The following MSH3 variants were observed in gnomAD, a reference collection of about 807,000 sequenced individuals.
The protein encoded by MSH3 is mutS homolog 3.
In MSH3, 106 loss-of-function variants were observed where a neutral mutation model predicts 123.3. The observed-to-expected ratio is 0.86, with a 90% CI of 0.73 to 1.01. The LOEUF (loss-of-function observed/expected upper bound fraction) is 1.01. MSH3 is among the 50% of genes least tolerant of loss of function. The probability of loss-of-function intolerance (pLI) is 0.00; values close to 1 mark genes in which losing one functional copy is unlikely to be tolerated. For synonymous variants in MSH3, 515 were observed against 481.4 expected, an observed-to-expected ratio of 1.07 and a Z score of -0.91; for missense variants, 1,459 against 1,347.6, an observed-to-expected ratio of 1.08 and a Z score of -1.29.
intron 9 of MSH3, among the ~76,000 whole-genome samples, chr5:80,728,054 TG>T (rs1424984587): frequency 6.6e-6 from 1 of 152,062 alleles, no homozygotes; most frequent in Non-Finnish European, 1.5e-5. Flanking sequence ...GAGTAACTGA[TG>T]GGGAGAACAT....
intron 19 of MSH3, among the ~76,000 whole-genome samples, chr5:80,796,004 T>C (rs1007853245): frequency 6.6e-6 from 1 of 151,556 alleles, no homozygotes; most frequent in Admixed American, 6.6e-5. Flanking sequence ...AAGAAGACTA[T>C]GTCAACATAA....
rs759094395 is a variant in MSH3, at chr5:80,787,571, C to G, written c.2442C>G (p.Phe814Leu). 8.1e-6 allele frequency: 13 copies of G among 1,611,864 alleles called. No homozygotes were observed. The highest frequency in any genetic ancestry group is 1.1e-5 in the Non-Finnish European group (13 of 1,178,190). The change falls in exon 18 of 24, where the codon TTC becomes TTG. Residue 814 changes from phenylalanine to leucine, a missense_variant. By Grantham distance (22) the Phe-to-Leu change is conservative. Coordinates refer to ENST00000265081, the MANE Select transcript of MSH3 (RefSeq NM_002439.5). The part of the protein sequence containing the change: ...SAEWLDFLEK[F>L]SEHYHSLCKA... Reference sequence around the variant, plus strand: ...GTTGCTGCTGCTTCCGTAGGAAATTCAGTGAACATTATCACTCCTTGTGTA... The same window carrying G: ...GTTGCTGCTGCTTCCGTAGGAAATTGAGTGAACATTATCACTCCTTGTGTA...
intron 8 of MSH3, among the ~76,000 whole-genome samples, chr5:80,679,819 A>G (rs890432066): frequency 2.0e-5 from 3 of 152,084 alleles, no homozygotes; most frequent in Non-Finnish European, 4.4e-5. Context: ...TGTTGGAAAG[A>G]CTCCGTACTG....
chr5:80,676,392 C>A (rs577682386), intron 7 of MSH3, among the ~76,000 whole-genome samples: 6 of 152,264 alleles, frequency 3.9e-5, no homozygotes, highest in East Asian at 1.9e-4. Context: ...TACAGACTTA[C>A]GTGGACTCTG....
intron 8 of MSH3, among the ~76,000 whole-genome samples, chr5:80,696,220 T>C (rs1002118853): frequency 1.3e-5 from 2 of 152,138 alleles, no homozygotes; most frequent in Admixed American, 6.5e-5. Flanking sequence ...CCTGATACCA[T>C]GGGGGTTAAA....
In MSH3 at chr5:80,661,702, T is replaced by C. The variant is rs184567245; in HGVS notation, c.359-3441T>C. On this transcript the variant is annotated intron_variant, in intron 2 of 23. Transcript: ENST00000265081. ...GGGGCTGCATCCCTTGACAGATTTT[T>C]CCTATTTTTTGCATGTCTAGTAACT... 3.0e-4 allele frequency among the ~76,000 whole-genome samples: 45 copies of C among 152,378 alleles called. 1 individual carries two copies. The East Asian group carries it at 7.3e-3, about 25-fold the overall frequency.
At chr5:80,842,010 G>A (rs570258147) in intron 20 of MSH3, among the ~76,000 whole-genome samples, 1 of 152,240 alleles carries the variant, frequency 6.6e-6, no homozygotes, top group East Asian at 1.9e-4. Context: ...TATTGCCTAG[G>A]TTTTCTTCTA....
intron 15 of MSH3, among the ~76,000 whole-genome samples, chr5:80,775,475 A>G (rs1744281536): frequency 6.6e-6 from 1 of 152,198 alleles, no homozygotes; most frequent in Non-Finnish European, 1.5e-5. Flanking sequence ...CAAGTATTAC[A>G]AATGTTTTAT....
At chr5:80,708,216 C>T (rs1269709658) in intron 8 of MSH3, among the ~76,000 whole-genome samples, 2 of 152,122 alleles carry the variant, frequency 1.3e-5, no homozygotes, top group African/African-American at 2.4e-5. Context: ...TCTTTGCCTA[C>T]TCCAACATCA....
intron 10 of MSH3, among the ~76,000 whole-genome samples, chr5:80,733,048 C>G (rs1465829764): frequency 6.6e-6 from 1 of 152,112 alleles, no homozygotes; most frequent in East Asian, 1.9e-4. Context: ...GGATTCATAT[C>G]TCTGTTTCAA....
intron 19 of MSH3, among the ~76,000 whole-genome samples, chr5:80,802,217 T>G (rs1744801182): frequency 6.6e-6 from 1 of 151,530 alleles, no homozygotes; most frequent in African/African-American, 2.4e-5. Flanking sequence ...ATAAAAATTT[T>G]TATATCCTGC....
chr5:80,730,894 A>T (rs187287905), intron 10 of MSH3, among the ~76,000 whole-genome samples: 12,414 of 127,538 alleles, frequency 0.097, 680 homozygotes, highest in African/African-American at 0.11. Flanking sequence ...ATATATATAT[A>T]TTTTTTTTTT....
At chr5:80,744,378 T>C in intron 11 of MSH3, 128 bp from the exon 12 acceptor site, 1 of 682,778 alleles carries the variant, frequency 1.5e-6, no homozygotes, top group South Asian at 1.7e-5. Context: ...TGTCAAACAT[T>C]AAATGAACAC....
intron 8 of MSH3, among the ~76,000 whole-genome samples, chr5:80,710,833 A>G (rs1361210308): frequency 6.6e-6 from 1 of 152,188 alleles, no homozygotes; most frequent in Non-Finnish European, 1.5e-5. Context: ...CGATGATGAC[A>G]ACAGGCAGAA....
intron 13 of MSH3, among the ~76,000 whole-genome samples, chr5:80,763,517 G>A (rs1744077116): frequency 1.3e-5 from 2 of 152,282 alleles, no homozygotes; most frequent in South Asian, 4.1e-4. Flanking sequence ...ACCATTTGTT[G>A]TTTTTATCCT....
At chr5:80,803,662 T>G (rs896759549) in intron 19 of MSH3, among the ~76,000 whole-genome samples, 3 of 151,994 alleles carry the variant, frequency 2.0e-5, no homozygotes, top group Non-Finnish European at 4.4e-5. Flanking sequence ...AGACCAGTGT[T>G]CTGAAGATTT....
chr5:80,704,409 A>G, intron 8 of MSH3, among the ~76,000 whole-genome samples: 1 of 152,192 alleles, frequency 6.6e-6, no homozygotes, highest in East Asian at 1.9e-4. Context: ...TGTAACCTCA[A>G]AAGTGGAATG....
Position 80,794,628 on chromosome 5 carries a change from T to G in MSH3, c.2655+1784T>G, listed in dbSNP as rs6151856. ...TTTTCTGGTTGATGGCAAGATCTTA[T>G]GTATGGCTATGGAAGGTGGGTAGCA... On this transcript the variant is annotated intron_variant, in intron 19 of 23. Coordinates refer to ENST00000265081, the MANE Select transcript of MSH3 (RefSeq NM_002439.5). Among the ~76,000 whole-genome samples the G allele has an allele frequency of 6.5e-3, 990 of 152,276 alleles. 13 individuals are homozygous for G. Among genetic ancestry groups the G allele is most frequent in the African/African-American group, 0.023 (950 of 41,560 alleles).
chr5:80,805,543 TTAGAG>T (rs1228015586), intron 19 of MSH3, among the ~76,000 whole-genome samples: 1 of 151,744 alleles, frequency 6.6e-6, no homozygotes, highest in Non-Finnish European at 1.5e-5. Context: ...AAGAGATTAC[TTAGAG>T]TAATTTTTTG....
Sources: gnomAD v4.1 joint callset for allele counts (sites outside exome capture counted in the v4.1 genomes callset) on GRCh38, gnomAD v4.1.1 for gene constraint, MANE v1.5 for transcripts, NCBI Gene and HGNC (gene_info 2026-07-23, HGNC 2026-07-21) for gene names.